RALA: variants seen among roughly 807,000 people sequenced by gnomAD.
The protein encoded by RALA is ras-related protein Ral-A.
Under a neutral mutation model 24.0 loss-of-function variants are expected in RALA, and 5 were observed. The observed-to-expected ratio is 0.21, with a 90% CI of 0.11 to 0.44. The LOEUF is 0.44. Among genes scored for constraint, RALA ranks in the 20% least tolerant of loss-of-function variants. RALA has a pLI of 0.99. For synonymous variants in RALA, 77 were observed against 83.8 expected (o/e 0.92, Z 0.44); for missense variants, 95 against 241.2 (o/e 0.39, Z 4.01).
chr7:39,631,460 G>A (rs1293785517), intron 1 of RALA, among the ~76,000 whole-genome samples: 4 of 152,148 alleles, frequency 2.6e-5, no homozygotes, highest in African/African-American at 9.7e-5. Flanking sequence ...CTGGGCTCAA[G>A]TGATCCTCCT....
chr7:39,661,918 G>A (rs530773718), intron 1 of RALA, among the ~76,000 whole-genome samples: 6 of 152,208 alleles, frequency 3.9e-5, no homozygotes, highest in East Asian at 3.9e-4. Context: ...ACATCCAGGC[G>A]TTTCTATACA....
intron 1 of RALA, among the ~76,000 whole-genome samples, chr7:39,652,966 A>G (rs1038489235): frequency 9.2e-5 from 14 of 151,616 alleles, no homozygotes; most frequent in African/African-American, 3.4e-4. Context: ...TGGTTTTGCC[A>G]TGTTAGCCAG....
intron 1 of RALA, among the ~76,000 whole-genome samples, chr7:39,628,162 G>T (rs1349175342): frequency 6.6e-6 from 1 of 151,384 alleles, no homozygotes; most frequent in Non-Finnish European, 1.5e-5. Context: ...TCAGAACTCA[G>T]TTTAGGTTAT....
At chr7:39,674,693 T>C (rs1281935344) in intron 1 of RALA, among the ~76,000 whole-genome samples, 1 of 152,182 alleles carries the variant, frequency 6.6e-6, no homozygotes, top group Non-Finnish European at 1.5e-5. Context: ...AAGATTTTTT[T>C]GGATTTTGGA....
intron 1 of RALA, among the ~76,000 whole-genome samples, chr7:39,684,497 C>G (rs866675037): frequency 1.3e-5 from 2 of 151,744 alleles, no homozygotes; most frequent in Admixed American, 6.6e-5. Context: ...GAAGCCGCAC[C>G]CAGTTCTTGG....
chr7:39,660,103 T>C (rs1216871517), intron 1 of RALA, among the ~76,000 whole-genome samples: 1 of 152,072 alleles, frequency 6.6e-6, no homozygotes, highest in African/African-American at 2.4e-5. Flanking sequence ...CCCAGCACTT[T>C]GGGAGGCCCA....
intron 1 of RALA, among the ~76,000 whole-genome samples, chr7:39,628,387 A>ACACACT (rs903235239): frequency 4.2e-5 from 6 of 143,514 alleles, no homozygotes; most frequent in African/African-American, 1.2e-4. Flanking sequence ...ACACACACAC[A>ACACACT]CACACACACA....
intron 3 of RALA, among the ~76,000 whole-genome samples, chr7:39,696,020 A>G (rs1192989252): frequency 6.6e-6 from 1 of 152,210 alleles, no homozygotes; most frequent in East Asian, 1.9e-4. Flanking sequence ...TGTTGGCTCC[A>G]TTTTATAGAT....
At chr7:39,688,648 A>C (rs192707491) in intron 2 of RALA, among the ~76,000 whole-genome samples, 198 of 148,512 alleles carry the variant, frequency 1.3e-3, no homozygotes, top group African/African-American at 4.8e-3. Flanking sequence ...GTCTCAGCTC[A>C]CTGCAACCTC....
intron 1 of RALA, among the ~76,000 whole-genome samples, chr7:39,655,900 C>T (rs573403640): frequency 3.2e-4 from 49 of 152,144 alleles, no homozygotes; most frequent in Admixed American, 2.1e-3. Flanking sequence ...AAAAGAAATG[C>T]GCAGGGGCAG....
intron 4 of RALA, among the ~76,000 whole-genome samples, chr7:39,699,948 GCAGA>G (rs1159933232): frequency 3.3e-5 from 5 of 152,000 alleles, no homozygotes; most frequent in Admixed American, 2.0e-4. Context: ...ACAACCAAAT[GCAGA>G]CAGAGAATAC....
intron 4 of RALA, 135 bp downstream of exon 4, chr7:39,696,994 T>C (rs1792933198): frequency 2.4e-6 from 2 of 831,578 alleles, no homozygotes; most frequent in Admixed American, 5.7e-5. Context: ...CATCCCTGAA[T>C]ACTCAGATAC....
chr7:39,669,540 G>A (rs866435681), intron 1 of RALA, among the ~76,000 whole-genome samples: 4 of 152,150 alleles, frequency 2.6e-5, no homozygotes, highest in Non-Finnish European at 4.4e-5. Flanking sequence ...GGCCAGGCAC[G>A]GTGGCTTATG....
intron 1 of RALA, among the ~76,000 whole-genome samples, chr7:39,658,822 A>G (rs931793862): frequency 1.8e-4 from 28 of 151,918 alleles, no homozygotes; most frequent in Admixed American, 9.8e-4. Flanking sequence ...GGATCAAGCA[A>G]TCCTCCCACC....
chr7:39,690,267 G>A lies in RALA; in HGVS notation c.115-115G>A, dbSNP rs1004504466. ...TACCATTGGAGGAATCTGGGCAAAGGGTATACAGAACTCTTCTTGTACTAT... is the reference window on the plus strand; with the variant it reads ...TACCATTGGAGGAATCTGGGCAAAGAGTATACAGAACTCTTCTTGTACTAT... On this transcript the variant is annotated intron_variant, in intron 2 of 4. Transcript: ENST00000005257. 3.8e-6 allele frequency: 3 copies of A among 797,092 alleles called. No individual in the cohort carries two copies. In the African/African-American group the frequency reaches 5.2e-5, roughly 14 times the overall value. 49.4% of individuals were successfully genotyped at this position (797,092 alleles called of 1,614,324 possible).
chr7:39,703,964 G>A (rs991021574), intron 4 of RALA, among the ~76,000 whole-genome samples: 3 of 151,830 alleles, frequency 2.0e-5, no homozygotes, highest in Non-Finnish European at 2.9e-5. Context: ...TCAGGAGTTC[G>A]AGACCAGCCT....
At chr7:39,692,929 G>A (rs756828389) in intron 3 of RALA, among the ~76,000 whole-genome samples, 20 of 152,224 alleles carry the variant, frequency 1.3e-4, no homozygotes, top group Non-Finnish European at 2.9e-4. Context: ...ACAGATGCTG[G>A]AGAGGATGTG....
At chr7:39,648,854 G>GT (rs1791972575) in intron 1 of RALA, among the ~76,000 whole-genome samples, 1 of 152,122 alleles carries the variant, frequency 6.6e-6, no homozygotes, top group African/African-American at 2.4e-5. Flanking sequence ...GAGCCCAAGA[G>GT]TTTGAGACAG....
At chr7:39,677,302 G>T (rs1264425905) in intron 1 of RALA, among the ~76,000 whole-genome samples, 1 of 151,676 alleles carries the variant, frequency 6.6e-6, no homozygotes, top group Non-Finnish European at 1.5e-5. Flanking sequence ...AGAATATGCG[G>T]TGTTTGGTTT....
Sources: gnomAD v4.1 joint callset for allele counts (sites outside exome capture counted in the v4.1 genomes callset) on GRCh38, gnomAD v4.1.1 for gene constraint, MANE v1.5 for transcripts, NCBI Gene and HGNC (gene_info 2026-07-23, HGNC 2026-07-21) for gene names.